Variants in TIPIN observed in about 807,000 individuals in gnomAD.
TIPIN encodes the protein TIMELESS interacting protein.
Under a neutral mutation model 35.6 loss-of-function variants are expected in TIPIN, and 29 were observed. The observed-to-expected ratio is 0.82, with a 90% CI of 0.61 to 1.11. The LOEUF (loss-of-function observed/expected upper bound fraction) is 1.11. Among genes scored for constraint, TIPIN ranks in the 50% most tolerant of loss-of-function variants. The pLI is 0.00. For synonymous variants in TIPIN, 102 were observed against 121.5 expected (o/e 0.84, Z 1.06); for missense variants, 296 against 345.4 (o/e 0.86, Z 1.13).
intron 5 of TIPIN, 40 bp downstream of exon 5, chr15:66,349,275 T>G: frequency 6.2e-7 from 1 of 1,609,506 alleles, no homozygotes; most frequent in Non-Finnish European, 8.5e-7. Context: ...ACCCTACCAT[T>G]TAGCATGTGA....
chr15:66,355,816 C>CTATA (rs1317481876), intron 1 of TIPIN, among the ~76,000 whole-genome samples: 3 of 152,142 alleles, frequency 2.0e-5, no homozygotes, highest in African/African-American at 4.8e-5. Context: ...CTACAAGAAT[C>CTATA]TATACTAGGG....
At chr15:66,351,627 T>C in intron 3 of TIPIN, 27 bp from the exon 4 acceptor site, 1 of 1,522,844 alleles carries the variant, frequency 6.6e-7, no homozygotes. Flanking sequence ...GTTTTTAATT[T>C]CAAGTTTTAT....
chr15:66,371,518 C>A, intron 1 of TIPIN: 7 of 321,504 alleles, frequency 2.2e-5, no homozygotes, highest in Non-Finnish European at 3.1e-5. Context: ...GTAATTGTTT[C>A]TTTTTTTTTT....
At chr15:66,363,362 G>A (rs1336711924) in intron 1 of TIPIN, among the ~76,000 whole-genome samples, 4 of 151,928 alleles carry the variant, frequency 2.6e-5, no homozygotes, top group African/African-American at 9.7e-5. Context: ...ACAAAAATTA[G>A]GCCGGGCACG....
chr15:66,356,686 A>G (rs1207961581), upstream of TIPIN: 51 of 985,404 alleles, frequency 5.2e-5, no homozygotes, highest in Non-Finnish European at 6.1e-5. Flanking sequence ...CGTGCAGACT[A>G]AGCGCGCTTC....
chr15:66,353,064 C>T, intron 1 of TIPIN, 109 bp from the exon 2 acceptor site: 1 of 1,012,940 alleles, frequency 9.9e-7, no homozygotes, highest in South Asian at 2.3e-5. Flanking sequence ...GACCACATTT[C>T]AAACTCACAC....
At chr15:66,345,919 A>G (rs1157901301) in intron 6 of TIPIN, among the ~76,000 whole-genome samples, 7 of 151,672 alleles carry the variant, frequency 4.6e-5, no homozygotes. Flanking sequence ...CATGCTTGTA[A>G]TTCTCTGAAT....
intron 1 of TIPIN, among the ~76,000 whole-genome samples, chr15:66,378,896 C>T (rs2093307588): frequency 6.6e-6 from 1 of 152,046 alleles, no homozygotes; most frequent in Non-Finnish European, 1.5e-5. Flanking sequence ...ACCACCATGC[C>T]TGGCTAAGTT....
chr15:66,350,022 C>T (rs62627299), intron 4 of TIPIN, among the ~76,000 whole-genome samples: 14 of 152,022 alleles, frequency 9.2e-5, no homozygotes, highest in East Asian at 7.8e-4. Flanking sequence ...AGTGCAAGGG[C>T]GCAATCTTGG....
chr15:66,336,786 T>C lies in TIPIN; in HGVS notation c.*172A>G. 3.4e-6 allele frequency: 2 copies of C among 586,526 alleles called. No homozygotes were observed. Among genetic ancestry groups the C allele is most frequent in the Non-Finnish European group, 5.9e-6 (2 of 338,454 alleles). 36.3% of individuals were successfully genotyped at this position (586,526 alleles called of 1,614,324 possible). Reference sequence around the variant, plus strand: ...CAAACACTAAAGAGAACAAATAGATTTAACTAAAGTGACAAGCATAATTAT... The same window carrying C: ...CAAACACTAAAGAGAACAAATAGATCTAACTAAAGTGACAAGCATAATTAT... On this transcript the variant is annotated 3_prime_UTR_variant, in exon 8 of 8. Transcript: ENST00000261881.
chr15:66,336,959 T>A lies in TIPIN; in HGVS notation c.905A>T (p.Ter302LeuextTer10). 6.2e-7 allele frequency: 1 copy of A among 1,608,526 alleles called. No homozygotes were observed. Among genetic ancestry groups the A allele is most frequent in the Non-Finnish European group, 8.5e-7 (1 of 1,175,900 alleles). The change falls in exon 8 of 8, where the codon TAA (stop) becomes TTA (leucine). Residue 302 changes from the stop codon to leucine (L), a stop_lost. Transcript: ENST00000261881. The part of the protein sequence containing the change: ...ATSRNITEAR[*>L] ...GATACATTTTCTCTTAATGGAAACT[T>A]ATCTAGCTTCAGTAATATTTCTGGA...
At chr15:66,386,666 C>A (rs1019239745) in exon 1 of TIPIN, 3 of 178,770 alleles carry the variant, frequency 1.7e-5, no homozygotes, top group African/African-American at 7.1e-5. Context: ...GCGACACAGA[C>A]TTCTTCTCAG....
chr15:66,382,627 A>G lies in TIPIN; in HGVS notation c.-9+3980T>C, dbSNP rs1045284307. ...TGGGCTCAAGTCATCCACCTGCCTCAGCCTTCCAAAGTGCTGGGATTACGG... is the reference window on the plus strand; with the variant it reads ...TGGGCTCAAGTCATCCACCTGCCTCGGCCTTCCAAAGTGCTGGGATTACGG... On this transcript the variant is annotated intron_variant, in intron 1 of 7. Coordinates refer to the TIPIN transcript ENST00000562124. Among the ~76,000 whole-genome samples, 3 of 151,468 alleles carry G rather than the reference A, an allele frequency of 2.0e-5. 1 individual carries two copies. Among genetic ancestry groups the G allele is most frequent in the African/African-American group, 7.2e-5 (3 of 41,386 alleles).
chr15:66,343,140 AATTT>A (rs2093100014), intron 6 of TIPIN, among the ~76,000 whole-genome samples: 1 of 152,248 alleles, frequency 6.6e-6, no homozygotes, highest in South Asian at 2.1e-4. Context: ...TCATCTTACT[AATTT>A]AACCAAACAA....
chr15:66,357,495 C>T (rs2093211189), upstream of TIPIN, among the ~76,000 whole-genome samples: 2 of 147,054 alleles, frequency 1.4e-5, no homozygotes, highest in South Asian at 4.3e-4. Context: ...CCCAGGCAGG[C>T]GAATGGCTTG....
At chr15:66,380,927 A>C (rs946425087) in intron 1 of TIPIN, among the ~76,000 whole-genome samples, 3 of 152,140 alleles carry the variant, frequency 2.0e-5, no homozygotes, top group East Asian at 1.9e-4. Flanking sequence ...TCCAGTATTT[A>C]ATCATACGGG....
chr15:66,337,100 A>T lies in TIPIN; in HGVS notation c.764T>A (p.Leu255Ter), dbSNP rs528422551. ...TGGATTGTCCAGAATGTCTTCGTTT[A>T]ATCCATTTGACTCCTCCTTTTGATC... ...DEDQKEESNGLNEDILDNPCN... is the reference protein window; with the variant it reads ...DEDQKEESNG Residue 255 changes from leucine (L) to a stop codon, truncating the protein, a stop_gained, in exon 8 of 8, where the codon TTA (leucine) becomes TAA (stop). Transcript: ENST00000261881. LOFTEE classifies it high-confidence loss of function. 1 of 1,614,096 alleles carries T rather than the reference A, an allele frequency of 6.2e-7. No individual in the cohort carries two copies. Among genetic ancestry groups the T allele is most frequent in the East Asian group, 2.2e-5 (1 of 44,864 alleles).
chr15:66,353,652 T>C (rs2140466933), intron 1 of TIPIN, among the ~76,000 whole-genome samples: 1 of 151,634 alleles, frequency 6.6e-6, no homozygotes, highest in South Asian at 2.1e-4. Context: ...ATACACCTAC[T>C]ACGTGCCCAC....
At chr15:66,349,512 G>A in intron 4 of TIPIN, 75 bp from the exon 5 acceptor site, 2 of 1,535,180 alleles carry the variant, frequency 1.3e-6, no homozygotes, top group East Asian at 2.3e-5. Flanking sequence ...TTTCAGAACT[G>A]AAAAGCTATG....
Sources: gnomAD v4.1 joint callset for allele counts (sites outside exome capture counted in the v4.1 genomes callset) on GRCh38, gnomAD v4.1.1 for gene constraint, MANE v1.5 for transcripts, NCBI Gene and HGNC (gene_info 2026-07-23, HGNC 2026-07-21) for gene names.